The following YIPF7 variants were observed in gnomAD, a reference collection of about 807,000 sequenced individuals.
The protein encoded by YIPF7 is Yip1 domain family member 7.
In YIPF7, 35 loss-of-function variants were observed where a neutral mutation model predicts 27.2. The observed-to-expected ratio is 1.29, with a 90% CI of 0.98 to 1.70. The LOEUF (loss-of-function observed/expected upper bound fraction) is 1.70. YIPF7 is among the 40% of genes most tolerant of loss of function. The pLI is 0.00. For synonymous variants in YIPF7, 137 were observed against 110.4 expected (o/e 1.24, Z -1.51); for missense variants, 358 against 303.7 (o/e 1.18, Z -1.33).
chr4:44,658,604 T>G (rs1000220018), intron 2 of YIPF7, among the ~76,000 whole-genome samples: 1 of 152,188 alleles, frequency 6.6e-6, no homozygotes, highest in Admixed American at 6.5e-5. Flanking sequence ...AAAATTCTGA[T>G]GTGAAACTGT....
chr4:44,627,813 T>G (rs1712727917), intron 4 of YIPF7, among the ~76,000 whole-genome samples: 1 of 152,190 alleles, frequency 6.6e-6, no homozygotes, highest in African/African-American at 2.4e-5. Context: ...GGTTAAAGAT[T>G]ACAGCAAGTG....
intron 1 of YIPF7, among the ~76,000 whole-genome samples, chr4:44,662,193 T>C (rs915346175): frequency 6.6e-6 from 1 of 152,204 alleles, no homozygotes; most frequent in African/African-American, 2.4e-5. Context: ...TGTTTCTTCC[T>C]ATACATACAT....
chr4:44,642,698 G>T (rs1265786147), intron 2 of YIPF7, among the ~76,000 whole-genome samples: 1 of 152,040 alleles, frequency 6.6e-6, no homozygotes, highest in African/African-American at 2.4e-5. Flanking sequence ...CTGTTCTCAT[G>T]ATAGAGTTCT....
At chr4:44,646,862 A>T (rs1713545850) in intron 2 of YIPF7, among the ~76,000 whole-genome samples, 1 of 152,142 alleles carries the variant, frequency 6.6e-6, no homozygotes, top group Non-Finnish European at 1.5e-5. Flanking sequence ...TGAATGACTG[A>T]TTATAACTAT....
At chr4:44,629,983 T>C (rs1435186783) in intron 3 of YIPF7, among the ~76,000 whole-genome samples, 1 of 152,200 alleles carries the variant, frequency 6.6e-6, no homozygotes, top group Admixed American at 6.5e-5. Flanking sequence ...GTTTCTTTTT[T>C]ATTTCTTTTT....
intron 4 of YIPF7, among the ~76,000 whole-genome samples, chr4:44,625,037 A>C (rs929658965): frequency 1.3e-5 from 2 of 152,210 alleles, no homozygotes; most frequent in African/African-American, 2.4e-5. Context: ...TTCTAGACTT[A>C]TATTTTTTAC....
chr4:44,650,056 A>C lies in YIPF7; in HGVS notation c.45T>G (p.Asn15Lys). 6.3e-7 allele frequency: 1 copy of C among 1,584,924 alleles called. No homozygotes were observed. Among genetic ancestry groups the C allele is most frequent in the Non-Finnish European group, 8.6e-7 (1 of 1,163,934 alleles). Reference sequence around the variant, plus strand: ...TCTGCTCCTGGTTATCAATAGTAAAATTAGATTGGTAAAAATCAGAGTCAA... The same window carrying C: ...TCTGCTCCTGGTTATCAATAGTAAACTTAGATTGGTAAAAATCAGAGTCAA... ...AQFDSDFYQS[N>K]FTIDNQEQSG... Residue 15 changes from asparagine (N) to lysine (K), a missense_variant, in exon 2 of 6, where the codon AAT (asparagine) becomes AAG (lysine). By Grantham distance (94) the Asn-to-Lys change is moderately conservative. Coordinates refer to ENST00000415895, the MANE Select transcript of YIPF7 (RefSeq NM_182592.3).
chr4:44,633,445 A>G (rs1577735538), intron 3 of YIPF7, among the ~76,000 whole-genome samples: 1 of 148,960 alleles, frequency 6.7e-6, no homozygotes. Flanking sequence ...GCAGCACAGA[A>G]AAAATAAATA....
intron 2 of YIPF7, among the ~76,000 whole-genome samples, chr4:44,637,444 G>A (rs1048294838): frequency 1.3e-5 from 2 of 152,136 alleles, no homozygotes; most frequent in Non-Finnish European, 2.9e-5. Flanking sequence ...CATTCTGACT[G>A]GGGGAAGATG....
chr4:44,628,435 A>C (rs1185016981), intron 4 of YIPF7, among the ~76,000 whole-genome samples: 1 of 152,192 alleles, frequency 6.6e-6, no homozygotes, highest in Non-Finnish European at 1.5e-5. Flanking sequence ...ATTATTATGG[A>C]ACATGAAGAG....
At chr4:44,633,885 A>T (rs1297095682) in intron 3 of YIPF7, among the ~76,000 whole-genome samples, 2 of 152,190 alleles carry the variant, frequency 1.3e-5, no homozygotes, top group Non-Finnish European at 2.9e-5. Flanking sequence ...AAATGTCAAA[A>T]TTTTTTTAGT....
At chr4:44,636,308 C>T (rs374118173) in intron 2 of YIPF7, among the ~76,000 whole-genome samples, 11 of 152,160 alleles carry the variant, frequency 7.2e-5, no homozygotes, top group African/African-American at 2.7e-4. Flanking sequence ...ATTAATTGAG[C>T]ATGGACAACA....
At chr4:44,645,073 G>T (rs917255432) in intron 2 of YIPF7, among the ~76,000 whole-genome samples, 4 of 152,116 alleles carry the variant, frequency 2.6e-5, no homozygotes, top group Non-Finnish European at 5.9e-5. Flanking sequence ...TCTACAGCCT[G>T]TGGGACTATG....
rs572638472 is a variant in YIPF7 at position 44,622,375 on chromosome 4, A to G, written c.*39T>C. 1 of 1,583,962 alleles carries G rather than the reference A, an allele frequency of 6.3e-7. No homozygotes were observed. The highest frequency in any genetic ancestry group is 1.4e-5 in the African/African-American group (1 of 73,844). ...TTAATATATTTCCAAAATAATCTGG[A>G]CAGCAAACAGAGTCTTGAAATGCCA... On this transcript the variant is annotated 3_prime_UTR_variant, in exon 6 of 6. Transcript: ENST00000415895.
upstream of YIPF7, among the ~76,000 whole-genome samples, chr4:44,654,346 A>G (rs151040845): frequency 3.3e-5 from 5 of 152,146 alleles, no homozygotes; most frequent in African/African-American, 1.2e-4. Context: ...ATGACCAAAA[A>G]GGCTGCATTA....
intron 2 of YIPF7, among the ~76,000 whole-genome samples, chr4:44,660,126 A>AAAAAAAAAAAAAAAAAAAC (rs1714006688): frequency 6.8e-6 from 1 of 146,258 alleles, no homozygotes; most frequent in South Asian, 2.2e-4. Context: ...AAAAAAAAAA[A>AAAAAAAAAAAAAAAAAAAC]AAAAAAAAAA....
At position 44,622,256 on chromosome 4, in the gene YIPF7, C is replaced by T; in HGVS notation, c.*158G>A. ...GCAAAACATCATTCAAACCAACAGG[C>T]TATTAGAGCACCACCCTTAAGTGCT... On this transcript the variant is annotated 3_prime_UTR_variant, in exon 6 of 6. Coordinates refer to ENST00000415895, the MANE Select transcript of YIPF7 (RefSeq NM_182592.3). 1 of 857,336 alleles carries T rather than the reference C, an allele frequency of 1.2e-6. No individual in the cohort carries two copies. 53.1% of individuals were successfully genotyped at this position (857,336 alleles called of 1,614,324 possible).
intron 1 of YIPF7, among the ~76,000 whole-genome samples, chr4:44,662,097 C>G (rs1488460536): frequency 6.6e-6 from 1 of 152,204 alleles, no homozygotes; most frequent in Non-Finnish European, 1.5e-5. Context: ...TTCTGTACAG[C>G]AGTACCCCTC....
chr4:44,652,938 C>T (rs1304455155), upstream of YIPF7, among the ~76,000 whole-genome samples: 1 of 152,010 alleles, frequency 6.6e-6, no homozygotes, highest in Non-Finnish European at 1.5e-5. Context: ...GTTCAGAACT[C>T]ACATTATCCA....
Sources: allele counts gnomAD v4.1 joint callset (sites outside exome capture counted in the v4.1 genomes callset), GRCh38; gene constraint gnomAD v4.1.1; transcripts MANE v1.5; gene names NCBI Gene and HGNC (gene_info 2026-07-23, HGNC 2026-07-21).